CACNA2D3: variants seen among roughly 807,000 people sequenced by gnomAD.
CACNA2D3 encodes the protein calcium voltage-gated channel auxiliary subunit alpha2delta 3.
CACNA2D3 carries 60 observed loss-of-function variants against 160.6 expected under a neutral mutation model. That is an observed-to-expected ratio of 0.37 (90% CI 0.30 to 0.46). CACNA2D3 has a LOEUF of 0.46. Ranked by LOEUF, CACNA2D3 falls within the 20% of genes least tolerant of loss-of-function variation. The probability of loss-of-function intolerance (pLI) is 1.00; values close to 1 mark genes in which losing one functional copy is unlikely to be tolerated. For missense variants in CACNA2D3, 1,205 were observed against 1,365.0 expected, an observed-to-expected ratio of 0.88 and a Z score of 1.85; for synonymous variants, 558 against 492.9, an observed-to-expected ratio of 1.13 and a Z score of -1.75.
intron 6 of CACNA2D3, among the ~76,000 whole-genome samples, chr3:54,565,287 G>C (rs1024317967): frequency 6.6e-6 from 1 of 152,280 alleles, no homozygotes; most frequent in East Asian, 1.9e-4. Flanking sequence ...GGTACAGTGC[G>C]TTTCATGCTA....
intron 17 of CACNA2D3, among the ~76,000 whole-genome samples, chr3:54,867,964 A>G (rs994369044): frequency 4.0e-5 from 6 of 150,312 alleles, no homozygotes; most frequent in African/African-American, 1.5e-4. Context: ...AGTGGTGCCC[A>G]AGGAGTTCCC....
At chr3:54,283,959 G>A (rs1008512445) in intron 2 of CACNA2D3, among the ~76,000 whole-genome samples, 3 of 152,136 alleles carry the variant, frequency 2.0e-5, no homozygotes, top group African/African-American at 7.2e-5. Context: ...CTACTCAGGA[G>A]GCTGAGGCAC....
chr3:54,946,623 G>A (rs1471343504), intron 27 of CACNA2D3, among the ~76,000 whole-genome samples: 2 of 152,144 alleles, frequency 1.3e-5, no homozygotes, highest in Non-Finnish European at 2.9e-5. Context: ...GCCAAATAAT[G>A]ACAGGAGAGC....
rs1049670394 is a variant in CACNA2D3, at chr3:54,319,200, A to ACACC, written c.205-1241_205-1240insACCC. Reference sequence around the variant, plus strand: ...CACACACACACACACACACACACACACCCTTCCTCGAGTCAAGGAGAAACT... The same window carrying ACACC: ...CACACACACACACACACACACACACACACCCCCTTCCTCGAGTCAAGGAGAAACT... On this transcript the variant is annotated intron_variant, in intron 2 of 37. Coordinates refer to ENST00000474759, the MANE Select transcript of CACNA2D3 (RefSeq NM_018398.3). 2.5e-3 allele frequency among the ~76,000 whole-genome samples: 260 copies of ACACC among 104,984 alleles called. 2 individuals are homozygous for ACACC. The highest frequency in any genetic ancestry group is 8.0e-3 in the African/African-American group (241 of 29,952). 68.9% of individuals were successfully genotyped at this position (104,984 alleles called of 152,430 possible). A position where few individuals can be genotyped will look rare whatever the true frequency, so the allele number is the denominator to read the frequency against.
intron 4 of CACNA2D3, among the ~76,000 whole-genome samples, chr3:54,447,004 T>C (rs1700233040): frequency 6.6e-6 from 1 of 152,160 alleles, no homozygotes; most frequent in African/African-American, 2.4e-5. Flanking sequence ...AAGTGAGGCA[T>C]TGACATCTTG....
intron 3 of CACNA2D3, among the ~76,000 whole-genome samples, chr3:54,365,980 C>G (rs1389680510): frequency 6.6e-6 from 1 of 152,144 alleles, no homozygotes; most frequent in Admixed American, 6.5e-5. Context: ...ACTGATGGAG[C>G]ACCAGTATGC....
intron 10 of CACNA2D3, among the ~76,000 whole-genome samples, chr3:54,629,381 G>T (rs1699185654): frequency 6.6e-6 from 1 of 152,124 alleles, no homozygotes; most frequent in Non-Finnish European, 1.5e-5. Flanking sequence ...CTCAAGAAAG[G>T]CTAGGCCCTA....
chr3:54,736,044 TAC>T (rs1173062299), intron 11 of CACNA2D3, among the ~76,000 whole-genome samples: 565 of 50,524 alleles, frequency 0.011, 43 homozygotes, highest in African/African-American at 0.031. Context: ...TGTATATATA[TAC>T]ACATACATAT....
intron 13 of CACNA2D3, among the ~76,000 whole-genome samples, chr3:54,811,874 C>T (rs929900608): frequency 2.6e-5 from 4 of 152,158 alleles, no homozygotes; most frequent in African/African-American, 9.7e-5. Flanking sequence ...CTTTATTGCT[C>T]TCTGGCTTTG....
At chr3:54,273,994 G>A (rs1702678774) in intron 2 of CACNA2D3, among the ~76,000 whole-genome samples, 1 of 145,248 alleles carries the variant, frequency 6.9e-6, no homozygotes, top group Non-Finnish European at 1.5e-5. Flanking sequence ...CCTGTGAGAT[G>A]TTTGAGTGGG....
chr3:54,669,376 T>C (rs1428617242), intron 11 of CACNA2D3, among the ~76,000 whole-genome samples: 3 of 152,226 alleles, frequency 2.0e-5, no homozygotes, highest in Non-Finnish European at 4.4e-5. Context: ...CATGAGGGCA[T>C]GAAGCATAAA....
chr3:54,432,828 C>T (rs1700009105), intron 4 of CACNA2D3, among the ~76,000 whole-genome samples: 1 of 152,112 alleles, frequency 6.6e-6, no homozygotes, highest in East Asian at 1.9e-4. Flanking sequence ...TGGTCAGTTT[C>T]CCTAATATGC....
chr3:54,163,836 G>A (rs891486192), intron 2 of CACNA2D3, among the ~76,000 whole-genome samples: 2 of 152,194 alleles, frequency 1.3e-5, no homozygotes, highest in African/African-American at 4.8e-5. Context: ...AGCACACCAG[G>A]CATGATGTCA....
At chr3:54,318,390 G>A (rs1439388901) in intron 2 of CACNA2D3, among the ~76,000 whole-genome samples, 1 of 152,126 alleles carries the variant, frequency 6.6e-6, no homozygotes, top group Admixed American at 6.5e-5. Context: ...GGGAGCGGGG[G>A]GAAACATGAA....
At chr3:54,272,048 GA>G (rs1702633005) in intron 2 of CACNA2D3, among the ~76,000 whole-genome samples, 2 of 152,174 alleles carry the variant, frequency 1.3e-5, no homozygotes, top group South Asian at 4.1e-4. Context: ...ACAGGGAAGA[GA>G]GGACTGGAAG....
intron 3 of CACNA2D3, among the ~76,000 whole-genome samples, chr3:54,351,814 C>T (rs571175623): frequency 2.0e-5 from 3 of 152,330 alleles, no homozygotes; most frequent in African/African-American, 2.4e-5. Flanking sequence ...GGCTCTCTTT[C>T]GGCCTCCTGG....
chr3:54,244,360 A>G (rs138180442), intron 2 of CACNA2D3, among the ~76,000 whole-genome samples: 2,022 of 152,362 alleles, frequency 0.013, 43 homozygotes, highest in African/African-American at 0.045. Flanking sequence ...AATAGCAATT[A>G]GTTGAATGAG....
At chr3:54,873,614 CGT>C (rs776443278) in intron 18 of CACNA2D3, among the ~76,000 whole-genome samples, 1 of 152,114 alleles carries the variant, frequency 6.6e-6, no homozygotes, top group African/African-American at 2.4e-5. Flanking sequence ...CGCAGCCTCA[CGT>C]GTGTGTTCTT....
chr3:54,802,804 C>T (rs1037170422), intron 13 of CACNA2D3, among the ~76,000 whole-genome samples: 10 of 149,428 alleles, frequency 6.7e-5, no homozygotes, highest in African/African-American at 1.9e-4. Context: ...CTGGGAGGCA[C>T]CCCCCCAGTA....
Sources: allele counts gnomAD v4.1 joint callset (sites outside exome capture counted in the v4.1 genomes callset), GRCh38; gene constraint gnomAD v4.1.1; transcripts MANE v1.5; gene names NCBI Gene and HGNC (gene_info 2026-07-23, HGNC 2026-07-21).